SOBP: variants seen among roughly 807,000 people sequenced by gnomAD.
SOBP encodes sine oculis binding protein homolog.
Under a neutral mutation model 53.6 loss-of-function variants are expected in SOBP, and 4 were observed. The observed-to-expected ratio is 0.07, with a 90% CI of 0.04 to 0.17. The LOEUF is 0.17. SOBP is among the 10% of genes least tolerant of loss of function. The probability of loss-of-function intolerance (pLI) is 1.00; values close to 1 mark genes in which losing one functional copy is unlikely to be tolerated. For missense variants in SOBP, 1,088 were observed against 1,204.7 expected (o/e 0.90, Z 1.43); for synonymous variants, 584 against 522.6 (o/e 1.12, Z -1.60).
At chr6:107,579,025 G>T (rs1283150135) in intron 4 of SOBP, among the ~76,000 whole-genome samples, 1 of 152,184 alleles carries the variant, frequency 6.6e-6, no homozygotes, top group Non-Finnish European at 1.5e-5. Context: ...CCTAGATTAG[G>T]TCTATTAATT....
At chr6:107,532,122 T>C (rs1205507537) in intron 3 of SOBP, among the ~76,000 whole-genome samples, 1 of 152,116 alleles carries the variant, frequency 6.6e-6, no homozygotes, top group East Asian at 1.9e-4. Context: ...CAGACAACAC[T>C]ATACGAGTGC....
intron 3 of SOBP, among the ~76,000 whole-genome samples, chr6:107,524,053 A>C (rs1008270493): frequency 3.3e-5 from 5 of 152,248 alleles, no homozygotes; most frequent in African/African-American, 1.2e-4. Context: ...CAGATCTCAG[A>C]AGGGGAAATG....
At chr6:107,512,635 A>C (rs1426296916) in intron 3 of SOBP, among the ~76,000 whole-genome samples, 1 of 152,232 alleles carries the variant, frequency 6.6e-6, no homozygotes, top group Non-Finnish European at 1.5e-5. Context: ...CTTCTGGTCA[A>C]AGTAGCCAGG....
chr6:107,581,371 T>C (rs1043774585), intron 4 of SOBP, among the ~76,000 whole-genome samples: 1 of 152,114 alleles, frequency 6.6e-6, no homozygotes, highest in Non-Finnish European at 1.5e-5. Context: ...GGAGACCCAG[T>C]TGAAGGGCAC....
In SOBP at chr6:107,518,765, T is replaced by TTTC. The variant is rs1554290335; in HGVS notation, c.421+12338_421+12339insTTC. Among the ~76,000 whole-genome samples, 25 of 147,278 alleles carry TTTC rather than the reference T, an allele frequency of 1.7e-4. No homozygotes were observed. In the South Asian group the frequency reaches 2.8e-3, roughly 16 times the overall value. ...AGGAAAGGCTGTTTTTTTTTTTTTT[T>TTTC]CTCAAAAAGATCCTTGTCTCAAAAA... On this transcript the variant is annotated intron_variant, in intron 3 of 6. Coordinates refer to ENST00000317357, the MANE Select transcript of SOBP (RefSeq NM_018013.4).
At chr6:107,641,622 C>T (rs529244075) in intron 6 of SOBP, among the ~76,000 whole-genome samples, 1 of 152,108 alleles carries the variant, frequency 6.6e-6, no homozygotes, top group African/African-American at 2.4e-5. Flanking sequence ...TGGAAAGAGA[C>T]GCGTTCGGCC....
chr6:107,563,674 A>G (rs746859311), intron 4 of SOBP, among the ~76,000 whole-genome samples: 3 of 151,362 alleles, frequency 2.0e-5, no homozygotes, highest in Non-Finnish European at 4.4e-5. Context: ...TTTTATTTCT[A>G]TTGAAAAAAA....
At chr6:107,551,611 A>G (rs1235791302) in intron 4 of SOBP, among the ~76,000 whole-genome samples, 1 of 152,182 alleles carries the variant, frequency 6.6e-6, no homozygotes, top group Non-Finnish European at 1.5e-5. Context: ...GGGTTTTAGA[A>G]TACGCAAAAC....
intron 4 of SOBP, among the ~76,000 whole-genome samples, chr6:107,554,350 C>T (rs1443005933): frequency 6.6e-6 from 1 of 152,112 alleles, no homozygotes; most frequent in African/African-American, 2.4e-5. Context: ...AGAGCTTCTT[C>T]CATTTGCATT....
chr6:107,603,464 C>T (rs909399351), intron 5 of SOBP, among the ~76,000 whole-genome samples: 4 of 152,202 alleles, frequency 2.6e-5, no homozygotes, highest in Admixed American at 6.5e-5. Context: ...GTGGCCGCCA[C>T]ATAAAACATG....
intron 3 of SOBP, among the ~76,000 whole-genome samples, chr6:107,512,680 C>T (rs1338366926): frequency 6.6e-6 from 1 of 152,176 alleles, no homozygotes; most frequent in Non-Finnish European, 1.5e-5. Context: ...CAGACCAGGA[C>T]TTTTTCCCCT....
At chr6:107,647,909 G>A (rs846964) in intron 6 of SOBP, among the ~76,000 whole-genome samples, 34,831 of 152,046 alleles carry the variant, frequency 0.23, 5,482 homozygotes, top group African/African-American at 0.43. Flanking sequence ...AGGGTTGCAG[G>A]AAAGCAGTTA....
intron 6 of SOBP, among the ~76,000 whole-genome samples, chr6:107,651,280 A>C (rs1771791557): frequency 6.6e-6 from 1 of 152,322 alleles, no homozygotes; most frequent in African/African-American, 2.4e-5. Context: ...CAAATAAATA[A>C]AAATGCTACT....
rs531283480 is a variant in SOBP at position 107,596,462 on chromosome 6, C to T, written c.669+9287C>T. ...AGTTGGTTCTGGATTGTATTTCTGC[C>T]GCCAGTGAGGCAGGGTAGAGGTTGG... On this transcript the variant is annotated intron_variant, in intron 5 of 6. Transcript: ENST00000317357. Among the ~76,000 whole-genome samples the T allele has an allele frequency of 3.9e-5, 6 of 152,176 alleles. No individual in the cohort carries two copies. In the South Asian group the frequency reaches 8.3e-4, roughly 21 times the overall value.
At chr6:107,509,188 A>G (rs989163113) in intron 3 of SOBP, among the ~76,000 whole-genome samples, 36 of 152,130 alleles carry the variant, frequency 2.4e-4, no homozygotes, top group African/African-American at 8.7e-4. Context: ...TGAGGTCGGG[A>G]GTTTGAGACC....
rs1025872600 is a variant in SOBP, at chr6:107,490,197, G to C, written c.-420G>C. Reference sequence around the variant, plus strand: ...CGGCCCTTGCTCCCCGCGCCCATGCGGACGGACCGAGCGACGGAAGATGGC... The same window carrying C: ...CGGCCCTTGCTCCCCGCGCCCATGCCGACGGACCGAGCGACGGAAGATGGC... On this transcript the variant is annotated 5_prime_UTR_variant, in exon 1 of 7. Transcript: ENST00000317357. 2 of 149,192 alleles carry C rather than the reference G, an allele frequency of 1.3e-5. No individual in the cohort carries two copies. Among genetic ancestry groups the C allele is most frequent in the Non-Finnish European group, 3.0e-5 (2 of 66,590 alleles). The allele number at this position is 149,192 out of a possible 1,614,324, so 9.2% of individuals were successfully genotyped here.
chr6:107,593,833 C>T (rs551325163), intron 5 of SOBP, among the ~76,000 whole-genome samples: 1 of 152,214 alleles, frequency 6.6e-6, no homozygotes, highest in South Asian at 2.1e-4. Flanking sequence ...CTTGAGTCTC[C>T]TCCCAGTTTG....
Position 107,556,202 on chromosome 6 carries a change from A to C in SOBP, c.573+22592A>C, listed in dbSNP as rs180847430. The stretch of plus-strand genomic sequence containing the variant: ...ATAAAGGGCACAGGCAGCCTGTGTT[A>C]GAAGATGGTTCCAGTCAAGGGTGGT... On this transcript the variant is annotated intron_variant, in intron 4 of 6. Transcript: ENST00000317357. Among the ~76,000 whole-genome samples, 4 of 152,324 alleles carry C rather than the reference A, an allele frequency of 2.6e-5. No individual in the cohort carries two copies. In the East Asian group the frequency reaches 7.7e-4, roughly 29 times the overall value.
intron 4 of SOBP, among the ~76,000 whole-genome samples, chr6:107,549,096 C>G (rs914578020): frequency 1.3e-5 from 2 of 151,996 alleles, no homozygotes; most frequent in Non-Finnish European, 2.9e-5. Context: ...TAAACCCTGT[C>G]TCTACTAAAA....
Sources: gnomAD v4.1 joint callset for allele counts (sites outside exome capture counted in the v4.1 genomes callset) on GRCh38, gnomAD v4.1.1 for gene constraint, MANE v1.5 for transcripts, NCBI Gene and HGNC (gene_info 2026-07-23, HGNC 2026-07-21) for gene names.